TGFBR1: variants seen among roughly 807,000 people sequenced by gnomAD.
TGFBR1 encodes the protein TGF-beta receptor type-1.
Under a neutral mutation model 55.1 loss-of-function variants are expected in TGFBR1, and 20 were observed. That is an observed-to-expected ratio of 0.36 (90% confidence interval 0.26 to 0.53). The LOEUF (loss-of-function observed/expected upper bound fraction) is 0.53, where lower values mean the gene tolerates loss of function less well. Among genes scored for constraint, TGFBR1 ranks in the 20% least tolerant of loss-of-function variants. The pLI is 0.91. For synonymous variants in TGFBR1, 220 were observed against 214.8 expected (o/e 1.02, Z -0.21); for missense variants, 385 against 617.6 (o/e 0.62, Z 3.99).
rs1321978114 is a variant in TGFBR1 at position 99,129,115 on chromosome 9, A to AT, written c.343+22dup. ...TCCAACTACTGGTAAGTTGTATAAAATTTTTTTCCTAGATACTACAAGAAA... is the reference window on the plus strand; with the variant it reads ...TCCAACTACTGGTAAGTTGTATAAAATTTTTTTTCCTAGATACTACAAGAAA... On this transcript the variant is annotated intron_variant, in intron 2 of 8. Coordinates refer to ENST00000374994, the MANE Select transcript of TGFBR1 (RefSeq NM_004612.4). The AT allele has an allele frequency of 1.8e-5, 29 of 1,613,348 alleles. No individual in the cohort carries two copies. The highest frequency in any genetic ancestry group is 2.2e-5 in the Non-Finnish European group (26 of 1,179,606).
chr9:99,128,297 C>CT (rs747584473), intron 1 of TGFBR1, among the ~76,000 whole-genome samples: 1 of 152,078 alleles, frequency 6.6e-6, no homozygotes, highest in African/African-American at 2.4e-5. Context: ...ATATACATGT[C>CT]TTTTTTAGGG....
At chr9:99,139,929 TCTTAA>T (rs1170471815) in intron 4 of TGFBR1, among the ~76,000 whole-genome samples, 2 of 152,230 alleles carry the variant, frequency 1.3e-5, no homozygotes, top group Non-Finnish European at 2.9e-5. Context: ...CCATAGTGTC[TCTTAA>T]CTTGTTCTTC....
intron 1 of TGFBR1, among the ~76,000 whole-genome samples, chr9:99,109,189 G>A (rs886453541): frequency 5.9e-5 from 9 of 152,058 alleles, no homozygotes; most frequent in African/African-American, 1.7e-4. Context: ...GAAGGGAGGG[G>A]GAATGATTAA....
chr9:99,143,719 C>A (rs906031833), intron 5 of TGFBR1, among the ~76,000 whole-genome samples: 1 of 152,114 alleles, frequency 6.6e-6, no homozygotes, highest in African/African-American at 2.4e-5. Context: ...TTAGAATACT[C>A]AGAGTTGTAC....
At chr9:99,143,144 C>A (rs1489272958) in intron 5 of TGFBR1, among the ~76,000 whole-genome samples, 1 of 152,124 alleles carries the variant, frequency 6.6e-6, no homozygotes, top group East Asian at 1.9e-4. Context: ...TTTTATCTTT[C>A]AGTTCAAAAT....
At position 99,127,336 on chromosome 9, in the gene TGFBR1, T is replaced by C. The variant is rs551378975; in HGVS notation, c.98-1519T>C. 7.2e-5 allele frequency among the ~76,000 whole-genome samples: 11 copies of C among 152,286 alleles called. No homozygotes were observed. The South Asian group carries it at 2.3e-3, about 32-fold the overall frequency. On this transcript the variant is annotated intron_variant, in intron 1 of 8. Transcript: ENST00000374994. Reference sequence around the variant, plus strand: ...TTACTGTTGGTCAGTCACTTAGGCTTGCAGCATCTGCATGACAGGCTTCAG... The same window carrying C: ...TTACTGTTGGTCAGTCACTTAGGCTCGCAGCATCTGCATGACAGGCTTCAG...
At chr9:99,145,272 C>T (rs1291750568) in intron 6 of TGFBR1, among the ~76,000 whole-genome samples, 2 of 152,100 alleles carry the variant, frequency 1.3e-5, no homozygotes, top group Non-Finnish European at 2.9e-5. Context: ...TAAAAATATG[C>T]CTTTCTTGCT....
chr9:99,142,156 CT>C (rs944600713), intron 4 of TGFBR1, among the ~76,000 whole-genome samples: 1 of 151,970 alleles, frequency 6.6e-6, no homozygotes, highest in African/African-American at 2.4e-5. Context: ...CTGTTCCTTC[CT>C]TTTTTTTAAC....
In TGFBR1 at chr9:99,148,453, T is replaced by TGAA. The variant is rs564755491; in HGVS notation, c.1386+671_1386+673dup. The stretch of plus-strand genomic sequence containing the variant: ...CTAGCTGTTACTATTACAATATTGG[T>TGAA]GAAGCAGAGCATATTCCTCCAGGTT... On this transcript the variant is annotated intron_variant, in intron 8 of 8. Transcript: ENST00000374994. Among the ~76,000 whole-genome samples, 946 of 152,304 alleles carry TGAA rather than the reference T, an allele frequency of 6.2e-3. 8 individuals are homozygous for TGAA. The highest frequency in any genetic ancestry group is 0.011 in the Non-Finnish European group (717 of 68,014).
intron 4 of TGFBR1, among the ~76,000 whole-genome samples, chr9:99,142,192 C>G (rs1588589833): frequency 6.6e-6 from 1 of 152,148 alleles, no homozygotes; most frequent in Non-Finnish European, 1.5e-5. Context: ...GGAACAGCCA[C>G]TGAGCACCCA....
At chr9:99,134,844 ATATATAT>A (rs1827382570) in intron 3 of TGFBR1, among the ~76,000 whole-genome samples, 10 of 101,166 alleles carry the variant, frequency 9.9e-5, no homozygotes, top group Admixed American at 2.0e-4. Flanking sequence ...ATATATATAT[ATATATAT>A]ATTTCTAGAT....
At chr9:99,124,351 A>G (rs531956852) in intron 1 of TGFBR1, among the ~76,000 whole-genome samples, 1 of 152,254 alleles carries the variant, frequency 6.6e-6, no homozygotes, top group South Asian at 2.1e-4. Context: ...GCATATAGAG[A>G]TGCTTAGTGA....
intron 3 of TGFBR1, among the ~76,000 whole-genome samples, chr9:99,132,949 C>T (rs760142090): frequency 4.6e-5 from 7 of 152,118 alleles, no homozygotes; most frequent in Admixed American, 1.3e-4. Flanking sequence ...ACTGTTAAAG[C>T]GAATCAATAA....
chr9:99,144,225 T>TA (rs1487950641), intron 5 of TGFBR1, among the ~76,000 whole-genome samples: 1 of 152,244 alleles, frequency 6.6e-6, no homozygotes, highest in Non-Finnish European at 1.5e-5. Context: ...ACTATTTTCT[T>TA]AAAGTGCCTG....
chr9:99,112,421 C>G (rs1336652607), intron 1 of TGFBR1, among the ~76,000 whole-genome samples: 2 of 152,186 alleles, frequency 1.3e-5, no homozygotes, highest in African/African-American at 4.8e-5. Context: ...TGTCATCATC[C>G]TACAGTGCTT....
intron 1 of TGFBR1, among the ~76,000 whole-genome samples, chr9:99,107,974 C>A (rs2118222845): frequency 6.6e-6 from 1 of 152,246 alleles, no homozygotes; most frequent in African/African-American, 2.4e-5. Flanking sequence ...TTGTGTTGTC[C>A]ATTTCTACTG....
Position 99,152,396 on chromosome 9 carries a change from T to C in TGFBR1, c.*3091T>C. ...AGGGTAAGGTCTGAAGAGCTGAGCC[T>C]GTAATTCTGCTGTAATAATGATAGT... On this transcript the variant is annotated 3_prime_UTR_variant, in exon 9 of 9. Coordinates refer to ENST00000374994, the MANE Select transcript of TGFBR1 (RefSeq NM_004612.4). 1 of 226,108 alleles carries C rather than the reference T, an allele frequency of 4.4e-6. No individual in the cohort carries two copies. The allele number at this position is 226,108 out of a possible 1,614,324, so 14.0% of individuals were successfully genotyped here. A position where few individuals can be genotyped will look rare whatever the true frequency, so the allele number is the denominator to read the frequency against.
chr9:99,132,864 G>A, intron 3 of TGFBR1, 125 bp downstream of exon 3: 1 of 1,315,788 alleles, frequency 7.6e-7, no homozygotes, highest in Non-Finnish European at 1.0e-6. Context: ...TTGCAGGTTT[G>A]AACCTAATAA....
In TGFBR1 at chr9:99,134,802, T is replaced by TTTTA. The variant is rs1554700023; in HGVS notation, c.574+2064_574+2065insTTAT. ...AAACAATGGAATAATTCTGTTTCCA[T>TTTTA]TATATATATATATATATATATATAT... On this transcript the variant is annotated intron_variant, in intron 3 of 8. Coordinates refer to ENST00000374994, the MANE Select transcript of TGFBR1 (RefSeq NM_004612.4). 5.5e-3 allele frequency among the ~76,000 whole-genome samples: 229 copies of TTTTA among 41,366 alleles called. 18 individuals are homozygous for TTTTA. The highest frequency in any genetic ancestry group is 0.029 in the East Asian group (30 of 1,042). 27.1% of individuals were successfully genotyped at this position (41,366 alleles called of 152,430 possible). A position where few individuals can be genotyped will look rare whatever the true frequency, so the allele number is the denominator to read the frequency against.
Sources: allele counts gnomAD v4.1 joint callset (sites outside exome capture counted in the v4.1 genomes callset), GRCh38; gene constraint gnomAD v4.1.1; transcripts MANE v1.5; gene names NCBI Gene and HGNC (gene_info 2026-07-23, HGNC 2026-07-21).